CHD5: variants seen among roughly 807,000 people sequenced by gnomAD.
CHD5 encodes chromodomain helicase DNA binding protein 5.
CHD5 carries 69 observed loss-of-function variants against 230.3 expected under a neutral mutation model. The ratio of observed to expected loss-of-function variants is 0.30; its 90% confidence interval spans 0.25 to 0.37. The LOEUF is 0.37. Ranked by LOEUF, CHD5 falls within the 10% of genes least tolerant of loss-of-function variation. The pLI is 1.00. For missense variants in CHD5, 1,827 were observed against 2,622.8 expected, an observed-to-expected ratio of 0.70 and a Z score of 6.63; for synonymous variants, 1,064 against 1,065.9, an observed-to-expected ratio of 1.00 and a Z score of 0.03.
In CHD5 at chr1:6,124,598, G is replaced by C. The variant is rs1331377830; in HGVS notation, c.4458C>G (p.Phe1486Leu). The C allele has an allele frequency of 6.2e-7, 1 of 1,602,096 alleles. No individual in the cohort carries two copies. The highest frequency in any genetic ancestry group is 1.1e-5 in the South Asian group (1 of 90,528). Residue 1486 changes from phenylalanine (F) to leucine (L), a missense_variant, in exon 30 of 42, where the codon TTC becomes TTG. Physicochemically the swap from Phe to Leu is conservative, Grantham distance 22 (BLOSUM62 0). Around this residue, in one of 14 missense-constraint regions of CHD5, gnomAD observed 108 missense variants for 152.4 expected, o/e 0.71. Transcript: ENST00000262450. ...GGCCCTCCCGGGGCACGCCGTCTGC[G>C]AAGGTCTCTGCACCATCCGCCCCCG... ...CEPGADGAET[F>L]ADGVPREGLS...
chr1:6,172,866 C>G (rs1221482240), intron 1 of CHD5, among the ~76,000 whole-genome samples: 7 of 152,138 alleles, frequency 4.6e-5, no homozygotes, highest in Admixed American at 3.3e-4. Context: ...AGCAGCAGAG[C>G]AAGGACGCAG....
intron 20 of CHD5, among the ~76,000 whole-genome samples, chr1:6,133,009 C>T (rs1666682560): frequency 6.6e-6 from 1 of 152,146 alleles, no homozygotes. Flanking sequence ...ATCCTCCTGC[C>T]TCAACCTCCC....
intron 2 of CHD5, among the ~76,000 whole-genome samples, chr1:6,160,947 G>T (rs575540673): frequency 6.6e-6 from 1 of 152,344 alleles, no homozygotes; most frequent in South Asian, 2.1e-4. Flanking sequence ...CCAGGGAGGG[G>T]CCGGGCAGCA....
intron 1 of CHD5, among the ~76,000 whole-genome samples, chr1:6,169,016 C>CA (rs796551533): frequency 0.014 from 1,402 of 98,828 alleles, 14 homozygotes; most frequent in South Asian, 0.036. Flanking sequence ...GAGACTCCAT[C>CA]AAAAAAAAAA....
rs932972780 is a variant in CHD5 at position 6,136,421 on chromosome 1, C to T, written c.2696+96G>A. Reference sequence around the variant, plus strand: ...ATTTTACTGATGAGGAAGCAACGGCCGAGCAGGTCTCACAGCCAGGATGGG... The same window carrying T: ...ATTTTACTGATGAGGAAGCAACGGCTGAGCAGGTCTCACAGCCAGGATGGG... On this transcript the variant is annotated intron_variant, in intron 17 of 41. Transcript: ENST00000262450. 69 of 1,419,404 alleles carry T rather than the reference C, an allele frequency of 4.9e-5. 3 individuals are homozygous for T. Among genetic ancestry groups the T allele is most frequent in the South Asian group, 1.3e-5 (1 of 78,762 alleles). The allele number at this position is 1,419,404 out of a possible 1,614,324, so 87.9% of individuals were successfully genotyped here.
rs566770099 is a variant in CHD5, at chr1:6,166,067, T to G, written c.207+2083A>C. On this transcript the variant is annotated intron_variant, in intron 2 of 41. Transcript: ENST00000262450. The stretch of plus-strand genomic sequence containing the variant: ...ATGCTGGCCCAGTGGTAAGGGGGGG[T>G]TCCCGGGAAGGGACAGACACACATC... 2.7e-5 allele frequency among the ~76,000 whole-genome samples: 4 copies of G among 150,678 alleles called. No homozygotes were observed. The East Asian group carries it at 5.9e-4, about 22-fold the overall frequency.
intron 1 of CHD5, among the ~76,000 whole-genome samples, chr1:6,173,294 C>T (rs1363950274): frequency 1.3e-5 from 2 of 151,740 alleles, no homozygotes; most frequent in African/African-American, 4.9e-5. Flanking sequence ...TTAGTAGAGC[C>T]AGGGTTTCAC....
intron 3 of CHD5, among the ~76,000 whole-genome samples, chr1:6,158,714 T>C (rs930621705): frequency 6.6e-6 from 1 of 151,628 alleles, no homozygotes; most frequent in Admixed American, 6.6e-5. Context: ...GATCGCGAGG[T>C]CAAGAGATGG....
At chr1:6,179,876 C>CG (rs1667486989) in intron 1 of CHD5, 69 bp downstream of exon 1, 3 of 694,414 alleles carry the variant, frequency 4.3e-6, no homozygotes, top group Admixed American at 1.4e-3. Context: ...CGCCCGCGCT[C>CG]CGCCCTGGGC....
intron 15 of CHD5, among the ~76,000 whole-genome samples, chr1:6,140,270 C>T (rs1244729009): frequency 6.6e-6 from 1 of 152,150 alleles, no homozygotes; most frequent in African/African-American, 2.4e-5. Flanking sequence ...TGTGGTAGCA[C>T]GCGCCTGTAG....
intron 15 of CHD5, 86 bp from the exon 16 acceptor site, chr1:6,136,951 G>T: frequency 7.0e-7 from 1 of 1,426,770 alleles, no homozygotes; most frequent in Non-Finnish European, 9.4e-7. Flanking sequence ...AGAAGGAGGT[G>T]TGCACAGGAA....
Position 6,142,245 on chromosome 1 carries a change from G to A in CHD5, c.2319C>T (p.Pro773=), listed in dbSNP as rs187443707. The stretch of plus-strand genomic sequence containing the variant: ...CCGTGTAGGTGACCACGTAGAAGTC[G>A]GGCGCCCACATCTCAAACTCGCGTT... The part of the protein sequence containing the change: ...NWEREFEMWA[P]DFYVVTYTGD... Residue 773 remains proline, a synonymous_variant, in exon 15 of 42, where the codon CCC becomes CCT. Coordinates refer to ENST00000262450, the MANE Select transcript of CHD5 (RefSeq NM_015557.3). This position sits in a 1 kb window ranked among gnomAD's most constrained non-coding sequence, Gnocchi z 5.2. The A allele has an allele frequency of 9.9e-6, 16 of 1,613,986 alleles. No individual in the cohort carries two copies. The highest frequency in any genetic ancestry group is 4.0e-5 in the African/African-American group (3 of 74,932).
Position 6,124,575 on chromosome 1 carries a change from C to A in CHD5, c.4481G>T (p.Gly1494Val). 1 of 1,613,622 alleles carries A rather than the reference C, an allele frequency of 6.2e-7. No individual in the cohort carries two copies. The highest frequency in any genetic ancestry group is 8.5e-7 in the Non-Finnish European group (1 of 1,179,888). Residue 1494 changes from glycine (G) to valine (V), a missense_variant, in exon 30 of 42, where the codon GGC (glycine) becomes GTC (valine). This residue lies in a region of CHD5 where 108 missense variants were observed against 152.4 expected (regional missense o/e 0.71). Transcript: ENST00000262450. ...ETFADGVPRE[G>V]LSRQHVLTRI... Reference sequence around the variant, plus strand: ...GGTCAGCACGTGCTGCCTGGAGAGGCCCTCCCGGGGCACGCCGTCTGCGAA... The same window carrying A: ...GGTCAGCACGTGCTGCCTGGAGAGGACCTCCCGGGGCACGCCGTCTGCGAA...
At position 6,136,831 on chromosome 1, in the gene CHD5, G is replaced by A; in HGVS notation, c.2471C>T (p.Thr824Ile). ...EVQIKFHVLL[T>I]SYELITIDQA... The stretch of plus-strand genomic sequence containing the variant: ...GTCAATGGTGATGAGCTCATAGGAG[G>A]TGAGCAGCACGTGGAATTTGATCTG... The change falls in exon 16 of 42, where the codon ACC becomes ATC. Residue 824 changes from threonine to isoleucine, a missense_variant. This residue lies in a region of CHD5 where 80 missense variants were observed against 96.4 expected (regional missense o/e 0.83). Transcript: ENST00000262450. 1.2e-6 allele frequency: 2 copies of A among 1,612,522 alleles called. No homozygotes were observed. The highest frequency in any genetic ancestry group is 1.7e-6 in the Non-Finnish European group (2 of 1,178,836).
At chr1:6,168,030 T>C in intron 2 of CHD5, 120 bp downstream of exon 2, 1 of 1,236,744 alleles carries the variant, frequency 8.1e-7, no homozygotes. Context: ...TTCATCAAAC[T>C]CAGCTCTCAG....
intron 3 of CHD5, among the ~76,000 whole-genome samples, chr1:6,156,527 T>G (rs1394389126): frequency 4.3e-5 from 6 of 139,034 alleles, no homozygotes; most frequent in Admixed American, 4.2e-4. Flanking sequence ...CAGAGCAAGA[T>G]TCTGTCTCAA....
intron 15 of CHD5, among the ~76,000 whole-genome samples, chr1:6,140,991 T>TAAA (rs1294236550): frequency 1.4e-5 from 2 of 147,258 alleles, no homozygotes; most frequent in East Asian, 4.1e-4. Context: ...ATAATAATAA[T>TAAA]AATAATAATA....
At chr1:6,165,778 C>T (rs931821178) in intron 2 of CHD5, among the ~76,000 whole-genome samples, 26 of 152,100 alleles carry the variant, frequency 1.7e-4, no homozygotes, top group Admixed American at 1.2e-3. Flanking sequence ...GAGCCCCTCC[C>T]AAAGGAGCTG....
At position 6,125,192 on chromosome 1, in the gene CHD5, G is replaced by A. The variant is rs374452217; in HGVS notation, c.4302C>T (p.Asn1434=). 2.4e-5 allele frequency: 38 copies of A among 1,606,658 alleles called. No homozygotes were observed. Among genetic ancestry groups the A allele is most frequent in the Middle Eastern group, 1.6e-4 (1 of 6,074 alleles). ...GGGGCATGCCCCAGCGCATGATGGC[G>A]TTCAGAAAGGCCTTCCGCTGTCGGG... is the stretch of plus-strand genomic sequence containing the variant. ...FNARQRKAFL[N]AIMRWGMPPQ... The change falls in exon 29 of 42, where the codon AAC becomes AAT. Residue 1434 remains asparagine (N), a synonymous_variant. Coordinates refer to ENST00000262450, the MANE Select transcript of CHD5 (RefSeq NM_015557.3). The surrounding 1 kb of genome is among the most constrained non-coding windows in gnomAD (Gnocchi z 6.7).
Sources: gnomAD v4.1 joint callset for allele counts (sites outside exome capture counted in the v4.1 genomes callset) on GRCh38, gnomAD v4.1.1 for gene constraint, gnomAD v4.1.1 regional missense constraint, Gnocchi (gnomAD v3.1) non-coding constraint, MANE v1.5 for transcripts, NCBI Gene and HGNC (gene_info 2026-07-23, HGNC 2026-07-21) for gene names.